ABI3BP: variants seen among roughly 807,000 people sequenced by gnomAD.
The protein encoded by ABI3BP is target of Nesh-SH3.
Under a neutral mutation model 268.6 loss-of-function variants are expected in ABI3BP, and 216 were observed. That is an observed-to-expected ratio of 0.80 (90% CI 0.72 to 0.90). The LOEUF (loss-of-function observed/expected upper bound fraction) is 0.90. ABI3BP is among the 40% of genes least tolerant of loss of function. The probability of loss-of-function intolerance (pLI) is 0.00; values close to 1 mark genes in which losing one functional copy is unlikely to be tolerated. For missense variants in ABI3BP, 2,090 were observed against 2,182.4 expected, an observed-to-expected ratio of 0.96 and a Z score of 0.84; for synonymous variants, 730 against 730.0, an observed-to-expected ratio of 1.00 and a Z score of 0.00.
intron 1 of ABI3BP, among the ~76,000 whole-genome samples, chr3:100,968,466 T>C (rs978113476): frequency 1.3e-5 from 2 of 152,188 alleles, no homozygotes; most frequent in Non-Finnish European, 2.9e-5. Context: ...GTGATTTTGG[T>C]GTAATCAAAT....
chr3:100,877,960 T>C (rs2099179596), intron 6 of ABI3BP, among the ~76,000 whole-genome samples: 1 of 152,206 alleles, frequency 6.6e-6, no homozygotes, highest in South Asian at 2.1e-4. Context: ...TGTTAGCTAT[T>C]TTCCTTATCA....
chr3:100,918,413 A>G (rs990703467), intron 2 of ABI3BP, among the ~76,000 whole-genome samples: 3 of 151,826 alleles, frequency 2.0e-5, no homozygotes, highest in African/African-American at 4.8e-5. Context: ...AAAGAAATCT[A>G]AGGTTCCTGG....
chr3:100,985,012 G>T (rs1490880327), intron 1 of ABI3BP, among the ~76,000 whole-genome samples: 4 of 151,736 alleles, frequency 2.6e-5, no homozygotes, highest in Non-Finnish European at 5.9e-5. Context: ...AACTCCTCTG[G>T]TTTTTCTAGT....
At chr3:100,862,741 A>G (rs1370526028) in intron 13 of ABI3BP, 97 bp downstream of exon 13, 10 of 843,118 alleles carry the variant, frequency 1.2e-5, no homozygotes, top group African/African-American at 3.5e-5. Flanking sequence ...CTATCAGTTC[A>G]TGAGGTTTCC....
At chr3:100,907,412 T>G (rs2053921349) in intron 2 of ABI3BP, among the ~76,000 whole-genome samples, 1 of 152,156 alleles carries the variant, frequency 6.6e-6, no homozygotes, top group Non-Finnish European at 1.5e-5. Context: ...GAAGATTGCT[T>G]GAGCCCATGA....
At chr3:100,923,695 A>G (rs2060955237) in intron 2 of ABI3BP, among the ~76,000 whole-genome samples, 2 of 152,168 alleles carry the variant, frequency 1.3e-5, no homozygotes, top group African/African-American at 4.8e-5. Context: ...AACCTAATAA[A>G]ACCAATATAT....
Position 100,989,782 on chromosome 3 carries a change from T to C in ABI3BP, c.79+3524A>G, listed in dbSNP as rs114647046. On this transcript the variant is annotated intron_variant, in intron 1 of 67. Transcript: ENST00000471714. ...TTTCATTACATATTGTTCTCACTGGTTTTTATTTTAGCCTGTTTGCCAGGA... is the reference window on the plus strand; with the variant it reads ...TTTCATTACATATTGTTCTCACTGGCTTTTATTTTAGCCTGTTTGCCAGGA... Among the ~76,000 whole-genome samples, 565 of 152,310 alleles carry C rather than the reference T, an allele frequency of 3.7e-3. 1 individual carries two copies. Among genetic ancestry groups the C allele is most frequent in the African/African-American group, 0.013 (543 of 41,556 alleles).
intron 61 of ABI3BP, 68 bp from the exon 62 acceptor site, chr3:100,771,020 T>G: frequency 1.5e-4 from 185 of 1,195,738 alleles, no homozygotes; most frequent in Non-Finnish European, 1.9e-4. Context: ...AGTGAGCTCA[T>G]AAATATAATT....
At chr3:100,873,710 CT>C (rs2099132911) in intron 9 of ABI3BP, among the ~76,000 whole-genome samples, 1 of 152,168 alleles carries the variant, frequency 6.6e-6, no homozygotes, top group African/African-American at 2.4e-5. Flanking sequence ...GAAATATCAA[CT>C]GAAGCAGACA....
rs754084910 is a variant in ABI3BP, at chr3:100,821,048, T to C, written c.2947+6A>G. The C allele has an allele frequency of 3.3e-6, 5 of 1,534,982 alleles. No individual in the cohort carries two copies. The highest frequency in any genetic ancestry group is 3.5e-6 in the Non-Finnish European group (4 of 1,145,896). ...ACACTTAATGAGGATTGCAACGTGC[T>C]ATTACCTTGTGTTGTCACCCAAGTC... On this transcript the variant is annotated splice_donor_region_variant and intron_variant, in intron 39 of 67. Coordinates refer to ENST00000471714, the MANE Select transcript of ABI3BP (RefSeq NM_001375547.2).
intron 20 of ABI3BP, among the ~76,000 whole-genome samples, chr3:100,843,382 T>C (rs2098729320): frequency 6.8e-6 from 1 of 147,292 alleles, no homozygotes; most frequent in African/African-American, 2.5e-5. Context: ...GAAGTTCATA[T>C]AACAAAGTAA....
intron 4 of ABI3BP, among the ~76,000 whole-genome samples, chr3:100,891,892 T>C (rs2044863261): frequency 6.6e-6 from 1 of 152,210 alleles, no homozygotes; most frequent in African/African-American, 2.4e-5. Flanking sequence ...CATATGTGTA[T>C]GACTGAAGAA....
At chr3:100,938,315 A>C (rs2067215089) in intron 1 of ABI3BP, among the ~76,000 whole-genome samples, 3 of 151,882 alleles carry the variant, frequency 2.0e-5, no homozygotes, top group Non-Finnish European at 4.4e-5. Flanking sequence ...AAAAAAAAAC[A>C]AGCAAACATA....
At chr3:100,774,478 G>A (rs1196286036) in intron 61 of ABI3BP, 127 bp downstream of exon 61, 2 of 695,606 alleles carry the variant, frequency 2.9e-6, no homozygotes, top group African/African-American at 1.8e-5. Flanking sequence ...AGACACCCAT[G>A]AAAAATAAAA....
chr3:100,846,884 A>G (rs1460324682), intron 19 of ABI3BP, among the ~76,000 whole-genome samples: 1 of 152,182 alleles, frequency 6.6e-6, no homozygotes, highest in Non-Finnish European at 1.5e-5. Flanking sequence ...CAGGTTTGTT[A>G]TATAGGTAAA....
intron 57 of ABI3BP, among the ~76,000 whole-genome samples, chr3:100,784,516 T>C (rs1370463316): frequency 6.6e-6 from 1 of 152,176 alleles, no homozygotes; most frequent in African/African-American, 2.4e-5. Context: ...AACCCAGCAA[T>C]ACTACTACTG....
intron 64 of ABI3BP, among the ~76,000 whole-genome samples, 188 bp downstream of exon 64, chr3:100,754,424 C>G (rs2095510789): frequency 6.6e-6 from 1 of 152,176 alleles, no homozygotes; most frequent in Non-Finnish European, 1.5e-5. Flanking sequence ...ACTGATGTGT[C>G]TTTAAGTGAG....
chr3:100,875,058 C>A, intron 8 of ABI3BP, 125 bp from the exon 9 acceptor site: 1 of 542,496 alleles, frequency 1.8e-6, no homozygotes, highest in Non-Finnish European at 3.2e-6. Context: ...TAAATTTTAA[C>A]CCAAACTTTA....
intron 1 of ABI3BP, among the ~76,000 whole-genome samples, chr3:100,961,860 G>T (rs1044913988): frequency 6.6e-6 from 1 of 152,044 alleles, no homozygotes; most frequent in Non-Finnish European, 1.5e-5. Flanking sequence ...CTCTTCCATG[G>T]TACATAATTA....
Sources: allele counts gnomAD v4.1 joint callset (sites outside exome capture counted in the v4.1 genomes callset), GRCh38; gene constraint gnomAD v4.1.1; transcripts MANE v1.5; gene names NCBI Gene and HGNC (gene_info 2026-07-23, HGNC 2026-07-21).